Variants in FGF12 observed in about 807,000 individuals in gnomAD.
The protein encoded by FGF12 is fibroblast growth factor 12.
Under a neutral mutation model 23.6 loss-of-function variants are expected in FGF12, and 14 were observed. The ratio of observed to expected loss-of-function variants is 0.59; its 90% CI spans 0.39 to 0.93. FGF12 has a LOEUF of 0.93. Among genes scored for constraint, FGF12 ranks in the 40% least tolerant of loss-of-function variants. FGF12 has a pLI of 0.00. For missense variants in FGF12, 175 were observed against 217.8 expected, an observed-to-expected ratio of 0.80 and a Z score of 1.24; for synonymous variants, 62 against 77.3, an observed-to-expected ratio of 0.80 and a Z score of 1.04.
chr3:192,335,890 G>C (rs1397036829), intron 3 of FGF12, among the ~76,000 whole-genome samples: 1 of 151,954 alleles, frequency 6.6e-6, no homozygotes, highest in Admixed American at 6.6e-5. Flanking sequence ...ACAGGCCAAA[G>C]CTTCTTGTTT....
intron 2 of FGF12, among the ~76,000 whole-genome samples, chr3:192,400,971 GA>G (rs2108770507): frequency 6.6e-6 from 1 of 152,262 alleles, no homozygotes; most frequent in African/African-American, 2.4e-5. Flanking sequence ...TACACTCCTA[GA>G]AAGTATTGAG....
Position 192,408,352 on chromosome 3 carries a change from G to T in FGF12, c.14-47814C>A. On this transcript the variant is annotated intron_variant, in intron 2 of 5. Coordinates refer to ENST00000445105, the MANE Select transcript of FGF12 (RefSeq NM_004113.6). This position sits in a 1 kb window ranked among gnomAD's most constrained non-coding sequence, Gnocchi z 7.3. ...CGGGGAGGCAGTGCTAAAATTTGAG[G>T]AGGCTGCAGTATCGAAAACCCGGCG... 1 of 1,428,312 alleles carries T rather than the reference G, an allele frequency of 7.0e-7. No homozygotes were observed. The highest frequency in any genetic ancestry group is 1.5e-5 in the South Asian group (1 of 67,126). 88.5% of individuals were successfully genotyped at this position (1,428,312 alleles called of 1,614,324 possible).
chr3:192,503,309 C>T (rs1010622958), intron 2 of FGF12, among the ~76,000 whole-genome samples: 27 of 152,056 alleles, frequency 1.8e-4, no homozygotes, highest in African/African-American at 6.5e-4. Context: ...ATGACTTTGG[C>T]TTGCCTCCTG....
At position 192,313,306 on chromosome 3, in the gene FGF12, T is replaced by C. The variant is rs181618481; in HGVS notation, c.228+22055A>G. Reference sequence around the variant, plus strand: ...GTAAATGATAGTGTAAATGGGATCATAGACAACCTGCTGATCCCTGGATTT... The same window carrying C: ...GTAAATGATAGTGTAAATGGGATCACAGACAACCTGCTGATCCCTGGATTT... On this transcript the variant is annotated intron_variant, in intron 4 of 5. Coordinates refer to ENST00000445105, the MANE Select transcript of FGF12 (RefSeq NM_004113.6). Among the ~76,000 whole-genome samples, 265 of 152,324 alleles carry C rather than the reference T, an allele frequency of 1.7e-3. 1 individual carries two copies. Among genetic ancestry groups the C allele is most frequent in the African/African-American group, 5.7e-3 (238 of 41,580 alleles).
chr3:192,360,685 C>A lies in FGF12; in HGVS notation c.14-147G>T. The A allele has an allele frequency of 1.6e-6, 1 of 618,688 alleles. No individual in the cohort carries two copies. The highest frequency in any genetic ancestry group is 1.8e-5 in the African/African-American group (1 of 54,098). The allele number at this position is 618,688 out of a possible 1,614,324, so 38.3% of individuals were successfully genotyped here. A position where few individuals can be genotyped will look rare whatever the true frequency, so the allele number is the denominator to read the frequency against. On this transcript the variant is annotated intron_variant, in intron 2 of 5. Coordinates refer to ENST00000445105, the MANE Select transcript of FGF12 (RefSeq NM_004113.6). This position sits in a 1 kb window ranked among gnomAD's most constrained non-coding sequence, Gnocchi z 4.3. ...ATTTGGGAGTTGGGTGTTTCAGTAACATATCTATGCTTTTTTTTTTCCATT... is the reference window on the plus strand; with the variant it reads ...ATTTGGGAGTTGGGTGTTTCAGTAAAATATCTATGCTTTTTTTTTTCCATT...
At chr3:192,607,426 A>G (rs2108636601) in intron 2 of FGF12, among the ~76,000 whole-genome samples, 1 of 152,272 alleles carries the variant, frequency 6.6e-6, no homozygotes, top group East Asian at 1.9e-4. Flanking sequence ...GAGGAGTTTC[A>G]GGGGTGTCAG....
intron 2 of FGF12, among the ~76,000 whole-genome samples, chr3:192,636,354 A>C (rs1316038703): frequency 6.6e-6 from 1 of 152,234 alleles, no homozygotes; most frequent in African/African-American, 2.4e-5. Flanking sequence ...TTGAGGGTTC[A>C]AATGCCACAT....
chr3:192,697,937 A>G (rs1469919797), intron 2 of FGF12, among the ~76,000 whole-genome samples: 1 of 152,126 alleles, frequency 6.6e-6, no homozygotes, highest in Non-Finnish European at 1.5e-5. Context: ...TACCTAAGTA[A>G]AATTCTAAAT....
At chr3:192,580,414 T>G (rs932665867) in intron 2 of FGF12, among the ~76,000 whole-genome samples, 4 of 152,148 alleles carry the variant, frequency 2.6e-5, no homozygotes, top group African/African-American at 9.7e-5. Flanking sequence ...CTCAATAATT[T>G]TTTTAGGAAA....
chr3:192,606,647 G>A (rs185989785), intron 2 of FGF12, among the ~76,000 whole-genome samples: 1 of 152,120 alleles, frequency 6.6e-6, no homozygotes, highest in African/African-American at 2.4e-5. Flanking sequence ...TCATCACAGA[G>A]AATCTTGTAA....
chr3:192,656,280 G>GACAC lies in FGF12; in HGVS notation c.13+70897_13+70900dup, dbSNP rs61645270. On this transcript the variant is annotated intron_variant, in intron 2 of 5. Transcript: ENST00000445105. ...CAACACCTAAATTATAAGGTGAAAA[G>GACAC]ACACACACACACACACACACACACA... Among the ~76,000 whole-genome samples the GACAC allele has an allele frequency of 8.5e-3, 939 of 110,468 alleles. 3 individuals carry two copies. Among genetic ancestry groups the GACAC allele is most frequent in the Non-Finnish European group, 0.014 (674 of 49,408 alleles). The allele number at this position is 110,468 out of a possible 152,430, so 72.5% of individuals were successfully genotyped here.
intron 2 of FGF12, among the ~76,000 whole-genome samples, chr3:192,504,496 C>G (rs1448709824): frequency 1.3e-5 from 2 of 152,140 alleles, no homozygotes; most frequent in Non-Finnish European, 2.9e-5. Context: ...GAGTCTTTAC[C>G]CTTCCATCCA....
chr3:192,226,306 A>G (rs914537425), intron 4 of FGF12, among the ~76,000 whole-genome samples: 2 of 152,172 alleles, frequency 1.3e-5, no homozygotes, highest in African/African-American at 4.8e-5. Flanking sequence ...TCGGTACTCT[A>G]TGCCTGAATG....
chr3:192,686,815 A>ATTTTTTTTTTTTTTTTTTTTTTTTT (rs57045697), intron 2 of FGF12, among the ~76,000 whole-genome samples: 1 of 61,434 alleles, frequency 1.6e-5, no homozygotes, highest in African/African-American at 8.2e-5. Context: ...TTTTTCTCTA[A>ATTTTTTTTTTTTTTTTTTTTTTTTT]TTTTTTTTTT....
chr3:192,396,256 C>T (rs1458964675), intron 2 of FGF12, among the ~76,000 whole-genome samples: 1 of 152,198 alleles, frequency 6.6e-6, no homozygotes, highest in Non-Finnish European at 1.5e-5. Flanking sequence ...TAATTATATA[C>T]TGCCTTACAC....
chr3:192,231,640 G>A (rs1719026185), intron 4 of FGF12, among the ~76,000 whole-genome samples: 2 of 151,782 alleles, frequency 1.3e-5, no homozygotes, highest in African/African-American at 4.8e-5. Flanking sequence ...GGTGTTGGTG[G>A]GTGCCTGTAA....
At chr3:192,308,591 A>T (rs1295811966) in intron 4 of FGF12, among the ~76,000 whole-genome samples, 1 of 152,070 alleles carries the variant, frequency 6.6e-6, no homozygotes, top group Non-Finnish European at 1.5e-5. Context: ...GAGGCAGGAG[A>T]ATCGCTTGAA....
At chr3:192,586,686 T>C (rs996565211) in intron 2 of FGF12, among the ~76,000 whole-genome samples, 1 of 152,106 alleles carries the variant, frequency 6.6e-6, no homozygotes, top group Non-Finnish European at 1.5e-5. Context: ...CCTCCAGAAG[T>C]GGGTATCAAA....
At chr3:192,366,394 A>G (rs1005031769) in intron 2 of FGF12, among the ~76,000 whole-genome samples, 2 of 152,152 alleles carry the variant, frequency 1.3e-5, no homozygotes, top group African/African-American at 2.4e-5. Context: ...AACTATTATA[A>G]CAATAATGAA....
Sources: gnomAD v4.1 joint callset for allele counts (sites outside exome capture counted in the v4.1 genomes callset) on GRCh38, gnomAD v4.1.1 for gene constraint, Gnocchi (gnomAD v3.1) non-coding constraint, MANE v1.5 for transcripts, NCBI Gene and HGNC (gene_info 2026-07-23, HGNC 2026-07-21) for gene names.